Variants in FBXL2 observed in about 807,000 individuals in gnomAD.
FBXL2 encodes the protein F-box/LRR-repeat protein 2.
FBXL2 carries 38 observed loss-of-function variants against 69.2 expected under a neutral mutation model. That is an observed-to-expected ratio of 0.55 (90% confidence interval 0.42 to 0.72). The LOEUF is 0.72. Ranked by LOEUF, FBXL2 falls within the 30% of genes least tolerant of loss-of-function variation. FBXL2 has a pLI of 0.00. For synonymous variants in FBXL2, 192 were observed against 201.3 expected (o/e 0.95, Z 0.39); for missense variants, 354 against 520.3 (o/e 0.68, Z 3.11).
chr3:33,392,724 CA>C (rs1439620891), downstream of FBXL2: 1 of 997,350 alleles, frequency 1.0e-6, no homozygotes, highest in African/African-American at 1.6e-5. Context: ...ACTCAATGGC[CA>C]AAACGATAAT....
chr3:33,409,423 C>T, the FBXL2 span: 1 of 1,613,936 alleles, frequency 6.2e-7, no homozygotes, highest in Non-Finnish European at 8.5e-7. Flanking sequence ...GCCTTAATTA[C>T]AGAAAACCCG....
At chr3:33,362,103 G>A (rs1157115277) in intron 4 of FBXL2, among the ~76,000 whole-genome samples, 1 of 152,140 alleles carries the variant, frequency 6.6e-6, no homozygotes, top group Non-Finnish European at 1.5e-5. Context: ...TATCTTGAAC[G>A]GTGGGTTGCA....
At chr3:33,328,123 T>C (rs892361244) in intron 2 of FBXL2, among the ~76,000 whole-genome samples, 18 of 152,064 alleles carry the variant, frequency 1.2e-4, no homozygotes, top group African/African-American at 4.3e-4. Flanking sequence ...GAATAAAAAT[T>C]ACCTAGGAAT....
chr3:33,355,314 A>G (rs556612526), intron 2 of FBXL2, among the ~76,000 whole-genome samples: 2 of 152,358 alleles, frequency 1.3e-5, no homozygotes, highest in South Asian at 4.1e-4. Context: ...GGAAAACTAC[A>G]AAAATTACTG....
intron 2 of FBXL2, among the ~76,000 whole-genome samples, chr3:33,335,889 A>C (rs2039539428): frequency 1.3e-5 from 2 of 152,194 alleles, no homozygotes; most frequent in African/African-American, 4.8e-5. Context: ...TGCTATTCAC[A>C]CTAGCATAAA....
intron 2 of FBXL2, among the ~76,000 whole-genome samples, chr3:33,310,591 A>G (rs1220054914): frequency 6.6e-6 from 1 of 151,970 alleles, no homozygotes; most frequent in Non-Finnish European, 1.5e-5. Context: ...TCTTATTAAC[A>G]TATATTTTCT....
At chr3:33,375,194 A>G (rs915149786) in intron 9 of FBXL2, 94 bp from the exon 10 acceptor site, 6 of 1,515,030 alleles carry the variant, frequency 4.0e-6, no homozygotes, top group Non-Finnish European at 3.6e-6. Flanking sequence ...GTAATCAGCA[A>G]CCAAAACTGA....
At chr3:33,353,917 TTCATG>T (rs1414594857) in intron 2 of FBXL2, among the ~76,000 whole-genome samples, 1 of 151,538 alleles carries the variant, frequency 6.6e-6, no homozygotes, top group African/African-American at 2.4e-5. Flanking sequence ...TGGCCAAGGG[TTCATG>T]AGAAAGAGAG....
chr3:33,393,578 T>G (rs1018615937), intron 12 of FBXL2: 12 of 863,098 alleles, frequency 1.4e-5, no homozygotes, highest in Non-Finnish European at 1.8e-5. Context: ...AAAAAACATT[T>G]TAAATGGGAA....
chr3:33,293,212 T>C (rs1209316810), intron 1 of FBXL2, among the ~76,000 whole-genome samples: 1 of 152,222 alleles, frequency 6.6e-6, no homozygotes, highest in African/African-American at 2.4e-5. Flanking sequence ...ATAGCTACCA[T>C]TTGTTAAGCA....
chr3:33,390,100 G>A (rs1011995157), downstream of FBXL2: 13 of 508,818 alleles, frequency 2.6e-5, no homozygotes, highest in African/African-American at 2.5e-4. Flanking sequence ...GTGGCCTCCA[G>A]AGCTGGATGC....
intron 4 of FBXL2, chr3:33,364,373 G>A (rs1559609490): frequency 2.0e-6 from 1 of 507,440 alleles, no homozygotes; most frequent in African/African-American, 1.9e-5. Context: ...ACAGGTTTTG[G>A]TTTTTGCATT....
the FBXL2 span, chr3:33,409,184 C>T: frequency 1.3e-6 from 2 of 1,549,894 alleles, no homozygotes; most frequent in Admixed American, 1.7e-5. Flanking sequence ...TAGAAATAGA[C>T]TAATATGCAA....
intron 2 of FBXL2, among the ~76,000 whole-genome samples, chr3:33,349,292 G>T (rs1054036249): frequency 1.3e-5 from 2 of 152,090 alleles, no homozygotes; most frequent in Non-Finnish European, 2.9e-5. Context: ...TACCTAGTTT[G>T]TTGAGGGGTT....
intron 2 of FBXL2, among the ~76,000 whole-genome samples, chr3:33,350,851 A>G (rs759629625): frequency 2.0e-5 from 3 of 152,164 alleles, no homozygotes; most frequent in Admixed American, 2.0e-4. Context: ...ATCTAATGTA[A>G]TAAGGCAAGA....
intron 2 of FBXL2, among the ~76,000 whole-genome samples, chr3:33,329,545 G>C (rs1158483692): frequency 1.3e-5 from 2 of 151,368 alleles, no homozygotes; most frequent in South Asian, 4.2e-4. Context: ...AATGGATAAA[G>C]AAAATACGTT....
intron 1 of FBXL2, among the ~76,000 whole-genome samples, chr3:33,286,579 A>G (rs967234039): frequency 1.3e-5 from 2 of 152,228 alleles, no homozygotes; most frequent in Admixed American, 1.3e-4. Context: ...AGACAGGGAC[A>G]TTTAAGTCTG....
chr3:33,390,201 G>C, downstream of FBXL2: 1 of 894,062 alleles, frequency 1.1e-6, no homozygotes, highest in South Asian at 1.7e-5. Flanking sequence ...CATTAGAAAG[G>C]TCATCTTGTG....
At chr3:33,355,573 C>T (rs927007990) in intron 2 of FBXL2, among the ~76,000 whole-genome samples, 1 of 152,146 alleles carries the variant, frequency 6.6e-6, no homozygotes, top group Non-Finnish European at 1.5e-5. Context: ...ACTTACGTTA[C>T]CAGACATTGT....
Sources: allele counts gnomAD v4.1 joint callset (sites outside exome capture counted in the v4.1 genomes callset), GRCh38; gene constraint gnomAD v4.1.1; transcripts MANE v1.5; gene names NCBI Gene and HGNC (gene_info 2026-07-23, HGNC 2026-07-21).